Variants in SH3TC1 observed in about 807,000 individuals in gnomAD.
SH3TC1 encodes the protein SH3 domain and tetratricopeptide repeats 1.
SH3TC1 carries 135 observed loss-of-function variants against 117.3 expected under a neutral mutation model. That is an observed-to-expected ratio of 1.15 (90% CI 1.00 to 1.33). The LOEUF is 1.33. Among genes scored for constraint, SH3TC1 ranks in the 40% most tolerant of loss-of-function variants. The probability of loss-of-function intolerance (pLI) is 0.00; values close to 1 mark genes in which losing one functional copy is unlikely to be tolerated. For missense variants in SH3TC1, 2,092 were observed against 1,794.3 expected, an observed-to-expected ratio of 1.17 and a Z score of -3.00; for synonymous variants, 898 against 816.9, an observed-to-expected ratio of 1.10 and a Z score of -1.69.
At position 8,228,262 on chromosome 4, in the gene SH3TC1, G is replaced by A; in HGVS notation, c.2568G>A (p.Val856=). 1.2e-6 allele frequency: 2 copies of A among 1,612,154 alleles called. No homozygotes were observed. Among genetic ancestry groups the A allele is most frequent in the Non-Finnish European group, 1.7e-6 (2 of 1,179,662 alleles). The part of the protein sequence containing the change: ...DILQSVRDAV[V]ASEDQEGVIA... ...TGCAGTCTGTCCGGGATGCAGTGGT[G>A]GCCAGCGAGGACCAGGAGGGCGTGA... The change falls in exon 12 of 18, where the codon GTG becomes GTA. Residue 856 remains valine (V), a synonymous_variant. Coordinates refer to ENST00000245105, the MANE Select transcript of SH3TC1 (RefSeq NM_018986.5).
rs201841646 is a variant in SH3TC1 at position 8,219,428 on chromosome 4, C to T, written c.1010C>T (p.Ala337Val). 22 of 1,611,356 alleles carry T rather than the reference C, an allele frequency of 1.4e-5. 1 individual carries two copies. The highest frequency in any genetic ancestry group is 1.3e-4 in the South Asian group (12 of 90,966). Residue 337 changes from alanine to valine, a missense_variant, in exon 9 of 18, where the codon GCG becomes GTG. Coordinates refer to ENST00000245105, the MANE Select transcript of SH3TC1 (RefSeq NM_018986.5). The part of the protein sequence containing the change: ...RGGDLIEILG[A>V]QVPSLPWCVG... ...GGCGACCTCATCGAGATCCTTGGGG[C>T]GCAGGTGCCCAGCCTGCCCTGGTGC...
chr4:8,240,084 T>G (rs1722197882), intron 17 of SH3TC1, among the ~76,000 whole-genome samples: 1 of 150,940 alleles, frequency 6.6e-6, no homozygotes, highest in Non-Finnish European at 1.5e-5. Context: ...GTGGAGGAGG[T>G]GCCTGGGGAG....
chr4:8,185,825 G>C (rs531532101), intron 1 of SH3TC1, among the ~76,000 whole-genome samples: 1 of 152,238 alleles, frequency 6.6e-6, no homozygotes, highest in East Asian at 1.9e-4. Flanking sequence ...ACTCCCAGGA[G>C]TGGGGTTGCT....
At chr4:8,200,151 TG>T (rs1268735163) in intron 1 of SH3TC1, among the ~76,000 whole-genome samples, 1 of 152,184 alleles carries the variant, frequency 6.6e-6, no homozygotes, top group East Asian at 1.9e-4. Context: ...AAAGTGACGC[TG>T]GGGGGTGTTA....
At position 8,234,400 on chromosome 4, in the gene SH3TC1, A is replaced by G. The variant is rs184124571; in HGVS notation, c.3282+887A>G. ...CACCCATCTATCCATCCATATGTACATACATACATCATCCACCCTCCACCC... is the reference window on the plus strand; with the variant it reads ...CACCCATCTATCCATCCATATGTACGTACATACATCATCCACCCTCCACCC... On this transcript the variant is annotated intron_variant, in intron 14 of 17. Coordinates refer to ENST00000245105, the MANE Select transcript of SH3TC1 (RefSeq NM_018986.5). 1.5e-4 allele frequency among the ~76,000 whole-genome samples: 22 copies of G among 151,418 alleles called. No individual in the cohort carries two copies. The East Asian group carries it at 3.2e-3, about 22-fold the overall frequency.
chr4:8,205,347 C>T lies in SH3TC1; in HGVS notation c.153C>T (p.Ala51=), dbSNP rs758526010. 21 of 1,548,786 alleles carry T rather than the reference C, an allele frequency of 1.4e-5. No individual in the cohort carries two copies. Among genetic ancestry groups the T allele is most frequent in the South Asian group, 1.2e-4 (10 of 83,868 alleles). The part of the protein sequence containing the change: ...VSWEKAGPEE[A]KAPVRGDEAP... ...GGGAGAAAGCGGGGCCCGAGGAGGC[C>T]AAGGCGCCAGTGAGAGGCGGTGAGT... Residue 51 remains alanine (A), a synonymous_variant, in exon 2 of 18, where the codon GCC becomes GCT. Coordinates refer to ENST00000245105, the MANE Select transcript of SH3TC1 (RefSeq NM_018986.5). This position sits in a 1 kb window ranked among gnomAD's most constrained non-coding sequence, Gnocchi z 5.4.
chr4:8,227,434 G>A lies in SH3TC1; in HGVS notation c.1740G>A (p.Arg580=), dbSNP rs1394125970. The A allele has an allele frequency of 6.4e-7, 1 of 1,558,574 alleles. No homozygotes were observed. The highest frequency in any genetic ancestry group is 2.2e-5 in the East Asian group (1 of 44,514). ...CSRRLKLSQA[R]VYFEEALGAL... ...GGAGGCTCAAGCTGTCCCAGGCCCG[G>A]GTGTACTTTGAGGAAGCGCTGGGGG... The change falls in exon 12 of 18, where the codon CGG becomes CGA. Residue 580 remains arginine (R), a synonymous_variant. Coordinates refer to ENST00000245105, the MANE Select transcript of SH3TC1 (RefSeq NM_018986.5).
intron 1 of SH3TC1, among the ~76,000 whole-genome samples, chr4:8,182,965 G>C (rs1717118490): frequency 2.0e-5 from 3 of 152,210 alleles, no homozygotes. Context: ...GGGTTTTGAA[G>C]GAGGCAGGGA....
chr4:8,226,058 T>G (rs1720433626), intron 11 of SH3TC1, among the ~76,000 whole-genome samples: 1 of 152,244 alleles, frequency 6.6e-6, no homozygotes, highest in South Asian at 2.1e-4. Flanking sequence ...ATGTAATTTT[T>G]TTTTAATTCC....
chr4:8,227,023 G>A lies in SH3TC1; in HGVS notation c.1329G>A (p.Leu443=). ...TGAGCCTGGAGCCACAGGAGACCTT[G>A]CAGAAGGTGAAGAATGTTCTGGAAC... ...PCLSLEPQET[L]QKVKNVLEQC... Residue 443 remains leucine (L), a synonymous_variant, in exon 12 of 18, where the codon TTG becomes TTA. Transcript: ENST00000245105. 7.0e-6 allele frequency: 11 copies of A among 1,572,312 alleles called. No homozygotes were observed. The highest frequency in any genetic ancestry group is 9.5e-6 in the Non-Finnish European group (11 of 1,159,308).
chr4:8,232,994 C>G, intron 13 of SH3TC1: 2 of 1,196,552 alleles, frequency 1.7e-6, no homozygotes, highest in Non-Finnish European at 2.1e-6. Flanking sequence ...GGACAGGCCT[C>G]TGGATGACTG....
chr4:8,213,958 C>G (rs1315702234), intron 4 of SH3TC1, among the ~76,000 whole-genome samples: 1 of 152,010 alleles, frequency 6.6e-6, no homozygotes, highest in Admixed American at 6.5e-5. Context: ...AATAGTACCC[C>G]CCGACACACA....
intron 4 of SH3TC1, chr4:8,213,041 C>A: frequency 3.3e-6 from 2 of 598,594 alleles, no homozygotes; most frequent in South Asian, 2.2e-5. Flanking sequence ...GCACTGTGAT[C>A]GTCCCTCTGC....
At position 8,227,146 on chromosome 4, in the gene SH3TC1, C is replaced by T. The variant is rs775656153; in HGVS notation, c.1452C>T (p.Ser484=). The part of the protein sequence containing the change: ...DVSLQDPEEP[S]FCLEAEDDWE... ...GCTTGCAGGACCCCGAGGAGCCCTCCTTCTGCTTGGAAGCCGAGGACGACT... is the reference window on the plus strand; with the variant it reads ...GCTTGCAGGACCCCGAGGAGCCCTCTTTCTGCTTGGAAGCCGAGGACGACT... The change falls in exon 12 of 18, where the codon TCC becomes TCT. Residue 484 remains serine (S), a synonymous_variant. Coordinates refer to ENST00000245105, the MANE Select transcript of SH3TC1 (RefSeq NM_018986.5). 4.3e-6 allele frequency: 7 copies of T among 1,610,658 alleles called. No individual in the cohort carries two copies. The South Asian group carries it at 4.4e-5, about 10-fold the overall frequency.
intron 9 of SH3TC1, 93 bp downstream of exon 9, chr4:8,219,623 C>T (rs1719710544): frequency 7.6e-7 from 1 of 1,314,632 alleles, no homozygotes; most frequent in Non-Finnish European, 1.0e-6. Context: ...AGGTAACAAG[C>T]CTGAAAGTCA....
intron 1 of SH3TC1, among the ~76,000 whole-genome samples, chr4:8,189,381 G>A (rs901982481): frequency 3.9e-5 from 6 of 152,280 alleles, no homozygotes; most frequent in African/African-American, 9.6e-5. Flanking sequence ...TTTCCAGGGC[G>A]CAGGGCAAGG....
rs993441932 is a variant in SH3TC1 at position 8,192,912 on chromosome 4, G to A, written c.-57+10702G>A. On this transcript the variant is annotated intron_variant, in intron 1 of 16. Coordinates refer to the SH3TC1 transcript ENST00000508641. The surrounding 1 kb of genome is among the most constrained non-coding windows in gnomAD (Gnocchi z 4.1). ...GCAGGCATGACCAGGGTGGAGCAGT[G>A]AAGCGGGGCCTGACGTGATGTACCA... 7.9e-5 allele frequency among the ~76,000 whole-genome samples: 12 copies of A among 152,254 alleles called. No individual in the cohort carries two copies. Among genetic ancestry groups the A allele is most frequent in the Admixed American group, 5.2e-4 (8 of 15,288 alleles).
At chr4:8,237,293 G>A (rs1721905055) in intron 16 of SH3TC1, 181 bp from the exon 17 acceptor site, 1 of 515,912 alleles carries the variant, frequency 1.9e-6, no homozygotes, top group Non-Finnish European at 3.3e-6. Flanking sequence ...CACGGTAGAT[G>A]GGGGCAGGCC....
rs1454677073 is a variant in SH3TC1, at chr4:8,210,543, G to A, written c.247+721G>A. ...TCCCAGCACTTTGGGAGGCCGAGGC[G>A]GGTGGATCACTTGAGGTCAGGAGTT... On this transcript the variant is annotated intron_variant, in intron 3 of 17. Transcript: ENST00000245105. This position sits in a 1 kb window ranked among gnomAD's most constrained non-coding sequence, Gnocchi z 4.1. 1.3e-5 allele frequency among the ~76,000 whole-genome samples: 2 copies of A among 152,198 alleles called. No individual in the cohort carries two copies. Among genetic ancestry groups the A allele is most frequent in the East Asian group, 1.9e-4 (1 of 5,176 alleles).
Sources: gnomAD v4.1 joint callset for allele counts (sites outside exome capture counted in the v4.1 genomes callset) on GRCh38, gnomAD v4.1.1 for gene constraint, Gnocchi (gnomAD v3.1) non-coding constraint, MANE v1.5 for transcripts, NCBI Gene and HGNC (gene_info 2026-07-23, HGNC 2026-07-21) for gene names.